The following CLEC16A variants were observed in gnomAD, a reference collection of about 807,000 sequenced individuals.
CLEC16A encodes the protein C-type lectin domain containing 16A.
A neutral mutation model predicts 109.5 loss-of-function variants in CLEC16A; 51 were observed. That is an observed-to-expected ratio of 0.47 (90% CI 0.37 to 0.59). The LOEUF (loss-of-function observed/expected upper bound fraction) is 0.59. Ranked by LOEUF, CLEC16A falls within the 20% of genes least tolerant of loss-of-function variation. The pLI is 0.00. For missense variants in CLEC16A, 1,339 were observed against 1,394.0 expected (o/e 0.96, Z 0.63); for synonymous variants, 673 against 564.2 (o/e 1.19, Z -2.73).
intron 19 of CLEC16A, among the ~76,000 whole-genome samples, chr16:11,109,266 G>A (rs1397835995): frequency 6.6e-6 from 1 of 151,730 alleles, no homozygotes; most frequent in Non-Finnish European, 1.5e-5. Context: ...CCAGGCTCAA[G>A]CTATCCTCCC....
chr16:11,133,814 A>G (rs1243268879), intron 22 of CLEC16A, among the ~76,000 whole-genome samples: 1 of 152,174 alleles, frequency 6.6e-6, no homozygotes, highest in African/African-American at 2.4e-5. Flanking sequence ...ACACAGGAAG[A>G]AGGACCTGGG....
intron 12 of CLEC16A, among the ~76,000 whole-genome samples, chr16:11,023,836 A>G (rs954201903): frequency 4.6e-5 from 7 of 152,200 alleles, no homozygotes; most frequent in Non-Finnish European, 7.3e-5. Context: ...TCTTGGCCTC[A>G]GCCTGGCATT....
intron 19 of CLEC16A, among the ~76,000 whole-genome samples, chr16:11,099,490 T>C (rs758282453): frequency 6.6e-6 from 1 of 152,216 alleles, no homozygotes; most frequent in South Asian, 2.1e-4. Flanking sequence ...AATAGCCACA[T>C]GTGTGGTGGC....
chr16:11,137,674 T>A (rs1033910765), intron 22 of CLEC16A, among the ~76,000 whole-genome samples: 1 of 143,608 alleles, frequency 7.0e-6, no homozygotes, highest in African/African-American at 2.6e-5. Flanking sequence ...CCGGGCGTGG[T>A]GGTGTGTGCC....
intron 19 of CLEC16A, among the ~76,000 whole-genome samples, chr16:11,085,572 G>A (rs1453365532): frequency 1.3e-5 from 2 of 152,258 alleles, no homozygotes; most frequent in Non-Finnish European, 2.9e-5. Context: ...TGAAATGGCT[G>A]AAGACAGTGC....
chr16:10,976,267 C>G (rs994029052), intron 7 of CLEC16A, among the ~76,000 whole-genome samples: 4 of 151,604 alleles, frequency 2.6e-5, no homozygotes, highest in Non-Finnish European at 5.9e-5. Context: ...AAGACCCTAT[C>G]TCAAAAAATA....
In CLEC16A at chr16:11,123,923, G is replaced by A. The variant is rs765317406; in HGVS notation, c.2450G>A (p.Arg817His). The A allele has an allele frequency of 1.6e-5, 25 of 1,611,316 alleles. No homozygotes were observed. The highest frequency in any genetic ancestry group is 7.7e-5 in the South Asian group (7 of 90,512). Residue 817 changes from arginine to histidine, a missense_variant, in exon 21 of 24, where the codon CGC (arginine) becomes CAC (histidine). Arg to His is a conservative substitution (Grantham distance 29, BLOSUM62 0). This residue lies in a region of CLEC16A where 1,061 missense variants were observed against 1,006.8 expected (regional missense o/e 1.05). Transcript: ENST00000409790. ...GCCAAAGGCCGCATCCAGGCAAGGC[G>A]CATGAAGATGCAGAGAATAGCTGGT... ...RLAKGRIQAR[R>H]MKMQRIAALL...
intron 18 of CLEC16A, among the ~76,000 whole-genome samples, chr16:11,055,932 A>G (rs745467455): frequency 1.3e-5 from 2 of 151,986 alleles, no homozygotes; most frequent in African/African-American, 4.8e-5. Context: ...CTTTCTTTCA[A>G]CATAGTTGTT....
intron 3 of CLEC16A, among the ~76,000 whole-genome samples, chr16:10,966,144 C>T (rs540759451): frequency 1.3e-5 from 2 of 152,216 alleles, no homozygotes; most frequent in East Asian, 3.9e-4. Flanking sequence ...ATGTTAGACT[C>T]CAGGTGGATA....
intron 22 of CLEC16A, among the ~76,000 whole-genome samples, chr16:11,129,231 T>C (rs2053032633): frequency 6.6e-6 from 1 of 152,268 alleles, no homozygotes. Context: ...TTTATAGATA[T>C]TTATGACATT....
intron 19 of CLEC16A, among the ~76,000 whole-genome samples, chr16:11,114,037 T>C (rs9746695): frequency 0.32 from 48,853 of 152,054 alleles, 7,877 homozygotes; most frequent in South Asian, 0.39. Flanking sequence ...ATCCTCATTA[T>C]ACCTGATGTT....
At chr16:11,091,595 G>T (rs140076528) in intron 19 of CLEC16A, among the ~76,000 whole-genome samples, 1 of 152,210 alleles carries the variant, frequency 6.6e-6, no homozygotes, top group African/African-American at 2.4e-5. Flanking sequence ...TGGGTACTCC[G>T]CAGAGTCTGA....
rs1300812489 is a variant in CLEC16A at position 11,179,766 on chromosome 16, C to G, written c.*1076C>G. The G allele has an allele frequency of 6.6e-6, 1 of 152,406 alleles. No individual in the cohort carries two copies. Among genetic ancestry groups the G allele is most frequent in the Non-Finnish European group, 1.5e-5 (1 of 68,176 alleles). The allele number at this position is 152,406 out of a possible 1,614,324, so 9.4% of individuals were successfully genotyped here. On this transcript the variant is annotated 3_prime_UTR_variant, in exon 24 of 24. Coordinates refer to ENST00000409790, the MANE Select transcript of CLEC16A (RefSeq NM_015226.3). ...GAGATGGCCCAGAGCCAGTTCCCCT[C>G]CAGCTGCAAGGGCATGGTGTCCCCA...
intron 22 of CLEC16A, among the ~76,000 whole-genome samples, chr16:11,138,143 A>G (rs1447299657): frequency 6.6e-6 from 1 of 152,204 alleles, no homozygotes; most frequent in Non-Finnish European, 1.5e-5. Context: ...CATGTTGACG[A>G]GGGTCAGGAA....
intron 14 of CLEC16A, chr16:11,040,220 G>C (rs1171064610): frequency 4.1e-6 from 1 of 241,470 alleles, no homozygotes; most frequent in Admixed American, 5.1e-5. Context: ...GAACTAGGCT[G>C]ACAGTGGAGT....
In CLEC16A at chr16:11,125,972, A is replaced by AC; in HGVS notation, c.2474-5dup. On this transcript the variant is annotated splice_region_variant and splice_polypyrimidine_tract_variant and intron_variant, in intron 21 of 23. Transcript: ENST00000409790. ...TCAGAGTGAACCATGCTATTGTTTGACCGTAGCCCTCCTGGACCTCCCAAT... is the reference window on the plus strand; with the variant it reads ...TCAGAGTGAACCATGCTATTGTTTGACCCGTAGCCCTCCTGGACCTCCCAAT... 1.4e-6 allele frequency: 2 copies of AC among 1,439,634 alleles called. No homozygotes were observed. Among genetic ancestry groups the AC allele is most frequent in the Non-Finnish European group, 1.9e-6 (2 of 1,077,362 alleles). The allele number at this position is 1,439,634 out of a possible 1,614,324, so 89.2% of individuals were successfully genotyped here. A position where few individuals can be genotyped will look rare whatever the true frequency, so the allele number is the denominator to read the frequency against.
rs74163626 is a variant in CLEC16A, at chr16:11,174,086, C to T, written c.2807-4249C>T. 1 of 437,470 alleles carries T rather than the reference C, an allele frequency of 2.3e-6. No homozygotes were observed. The highest frequency in any genetic ancestry group is 1.6e-5 in the South Asian group (1 of 60,872). 27.1% of individuals were successfully genotyped at this position (437,470 alleles called of 1,614,324 possible). A position where few individuals can be genotyped will look rare whatever the true frequency, so the allele number is the denominator to read the frequency against. On this transcript the variant is annotated intron_variant, in intron 23 of 23. Coordinates refer to ENST00000409790, the MANE Select transcript of CLEC16A (RefSeq NM_015226.3). The surrounding 1 kb of genome is among the most constrained non-coding windows in gnomAD (Gnocchi z 4.7). ...AGCGTCCGCTGCTGCTCAGTGTCCC[C>T]TCCATGTCGCCTCTGCCGTCCCATT...
chr16:11,101,828 G>A (rs917119095), intron 19 of CLEC16A, among the ~76,000 whole-genome samples: 1 of 150,948 alleles, frequency 6.6e-6, no homozygotes, highest in Non-Finnish European at 1.5e-5. Context: ...TTTGAAACAG[G>A]GTATCCTTCT....
chr16:11,089,931 T>C (rs1472912746), intron 19 of CLEC16A, among the ~76,000 whole-genome samples: 2 of 152,218 alleles, frequency 1.3e-5, no homozygotes, highest in African/African-American at 4.8e-5. Flanking sequence ...CTTCCAGCGG[T>C]TGGAATTCCT....
Sources: gnomAD v4.1 joint callset for allele counts (sites outside exome capture counted in the v4.1 genomes callset) on GRCh38, gnomAD v4.1.1 for gene constraint, gnomAD v4.1.1 regional missense constraint, Gnocchi (gnomAD v3.1) non-coding constraint, MANE v1.5 for transcripts, NCBI Gene and HGNC (gene_info 2026-07-23, HGNC 2026-07-21) for gene names.